Variants in COL25A1 observed in about 807,000 individuals in gnomAD.
The protein encoded by COL25A1 is collagen alpha-1(XXV) chain.
Under a neutral mutation model 128.4 loss-of-function variants are expected in COL25A1, and 103 were observed. That is an observed-to-expected ratio of 0.80 (90% CI 0.68 to 0.94). COL25A1 has a LOEUF of 0.94. Among genes scored for constraint, COL25A1 ranks in the 40% least tolerant of loss-of-function variants. The pLI is 0.00. For missense variants in COL25A1, 745 were observed against 840.0 expected (o/e 0.89, Z 1.40); for synonymous variants, 279 against 277.2 (o/e 1.01, Z -0.06).
chr4:109,276,190 C>T (rs112858574), intron 3 of COL25A1, among the ~76,000 whole-genome samples: 1 of 152,134 alleles, frequency 6.6e-6, no homozygotes, highest in African/African-American at 2.4e-5. Context: ...GCGGGTGGAT[C>T]ACCTGAGGTC....
chr4:109,164,649 C>T (rs1772899233), intron 3 of COL25A1, among the ~76,000 whole-genome samples: 1 of 152,094 alleles, frequency 6.6e-6, no homozygotes, highest in East Asian at 1.9e-4. Flanking sequence ...TCGTGTTAAT[C>T]TGTTCAAAAG....
chr4:109,075,780 T>C (rs992703636), intron 3 of COL25A1, among the ~76,000 whole-genome samples: 2 of 152,192 alleles, frequency 1.3e-5, no homozygotes, highest in Non-Finnish European at 2.9e-5. Flanking sequence ...TACGATCTTA[T>C]GTATGCACTT....
At chr4:109,256,651 G>C (rs927693198) in intron 3 of COL25A1, among the ~76,000 whole-genome samples, 4 of 152,070 alleles carry the variant, frequency 2.6e-5, no homozygotes, top group African/African-American at 4.8e-5. Context: ...CACTCATGGA[G>C]CTTTTGTGGC....
chr4:109,294,629 T>C (rs940970015), intron 3 of COL25A1, among the ~76,000 whole-genome samples: 7 of 152,114 alleles, frequency 4.6e-5, no homozygotes, highest in African/African-American at 1.7e-4. Context: ...ATTTAACCAT[T>C]GCACACTAGG....
intron 37 of COL25A1, among the ~76,000 whole-genome samples, chr4:108,817,086 A>G (rs1731318313): frequency 1.3e-5 from 2 of 152,196 alleles, no homozygotes; most frequent in Admixed American, 1.3e-4. Flanking sequence ...AATCACAATT[A>G]AGAATAGTTT....
intron 3 of COL25A1, among the ~76,000 whole-genome samples, chr4:109,150,135 T>G (rs1465238951): frequency 6.6e-6 from 1 of 152,016 alleles, no homozygotes; most frequent in Non-Finnish European, 1.5e-5. Flanking sequence ...TGTCTCTAAC[T>G]TATCTAACCT....
chr4:108,814,034 A>G, intron 37 of COL25A1, 105 bp from the exon 38 acceptor site: 1 of 869,120 alleles, frequency 1.2e-6, no homozygotes, highest in South Asian at 1.5e-5. Flanking sequence ...CCTTGAATAG[A>G]GTCTATAAGC....
At chr4:109,097,449 A>C (rs1765492723) in intron 3 of COL25A1, among the ~76,000 whole-genome samples, 1 of 150,670 alleles carries the variant, frequency 6.6e-6, no homozygotes, top group South Asian at 2.1e-4. Context: ...AAAAAAAAAA[A>C]AAAAACCACA....
chr4:109,228,184 A>G (rs1778930155), intron 3 of COL25A1, among the ~76,000 whole-genome samples: 1 of 152,046 alleles, frequency 6.6e-6, no homozygotes, highest in East Asian at 1.9e-4. Flanking sequence ...CATCTAGTTC[A>G]CTCAGACTCA....
chr4:109,143,028 T>C (rs951210399), intron 3 of COL25A1, among the ~76,000 whole-genome samples: 1 of 152,208 alleles, frequency 6.6e-6, no homozygotes, highest in Non-Finnish European at 1.5e-5. Context: ...ATTTGGCATG[T>C]TTTTGCAGTG....
intron 5 of COL25A1, among the ~76,000 whole-genome samples, chr4:109,027,607 T>C (rs975582665): frequency 2.0e-5 from 3 of 151,784 alleles, no homozygotes; most frequent in Non-Finnish European, 4.4e-5. Context: ...GGTGTACAGA[T>C]GGAGAGATGT....
In COL25A1 at chr4:109,010,367, AG is replaced by A; in HGVS notation, c.428del (p.Pro143LeufsTer44). The A allele has an allele frequency of 6.3e-7, 1 of 1,578,552 alleles. No individual in the cohort carries two copies. The highest frequency in any genetic ancestry group is 1.2e-5 in the South Asian group (1 of 84,340). On this transcript the variant is annotated frameshift_variant, in exon 6 of 38. Transcript: ENST00000399132. LOFTEE classifies it high-confidence loss of function. ...AAAAGAATTACCTTACCTGAGGACC[AG>A]GCTGTCCCTGAAATTAAAAAGAAAA... is the stretch of plus-strand genomic sequence containing the variant. ...RRGESGPPGQ[P>X]GPQGPPGPKG... is the part of the protein sequence containing the mutation.
intron 11 of COL25A1, among the ~76,000 whole-genome samples, chr4:108,927,766 C>T (rs1363106302): frequency 6.6e-6 from 1 of 152,042 alleles, no homozygotes; most frequent in African/African-American, 2.4e-5. Context: ...TGGTGTTTCT[C>T]AAAATCATGA....
At chr4:108,928,678 G>T (rs928680242) in intron 11 of COL25A1, among the ~76,000 whole-genome samples, 1 of 151,930 alleles carries the variant, frequency 6.6e-6, no homozygotes, top group African/African-American at 2.4e-5. Flanking sequence ...AAGTAGCTGG[G>T]ACTACACGCA....
At chr4:108,925,020 C>T (rs1401074667) in intron 11 of COL25A1, among the ~76,000 whole-genome samples, 2 of 152,122 alleles carry the variant, frequency 1.3e-5, no homozygotes, top group Admixed American at 6.6e-5. Context: ...TCTTTATTCC[C>T]TCTAAATTAC....
intron 13 of COL25A1, among the ~76,000 whole-genome samples, chr4:108,911,029 T>C (rs970965904): frequency 3.9e-5 from 6 of 152,206 alleles, no homozygotes; most frequent in African/African-American, 9.6e-5. Context: ...TCACCCGTTA[T>C]GGTTTTGACA....
At chr4:109,021,470 G>A (rs1757757204) in intron 5 of COL25A1, among the ~76,000 whole-genome samples, 1 of 152,126 alleles carries the variant, frequency 6.6e-6, no homozygotes, top group Non-Finnish European at 1.5e-5. Flanking sequence ...ATCTCTGTAA[G>A]CTGAGGATGT....
chr4:108,971,502 G>A (rs1751910404), intron 8 of COL25A1, among the ~76,000 whole-genome samples: 1 of 152,196 alleles, frequency 6.6e-6, no homozygotes, highest in African/African-American at 2.4e-5. Context: ...TCAATGATAA[G>A]AAGAACCCAA....
chr4:109,132,336 CAA>C (rs1345985497), intron 3 of COL25A1, among the ~76,000 whole-genome samples: 1 of 152,006 alleles, frequency 6.6e-6, no homozygotes, highest in Non-Finnish European at 1.5e-5. Flanking sequence ...GAAAAGTTTT[CAA>C]AGAGGCTGCT....
Sources: allele counts gnomAD v4.1 joint callset (sites outside exome capture counted in the v4.1 genomes callset), GRCh38; gene constraint gnomAD v4.1.1; transcripts MANE v1.5; gene names NCBI Gene and HGNC (gene_info 2026-07-23, HGNC 2026-07-21).